Variants in STIM1 observed in about 807,000 individuals in gnomAD.
STIM1 encodes the protein stromal interaction molecule 1.
In STIM1, 25 loss-of-function variants were observed where a neutral mutation model predicts 74.7. That is an observed-to-expected ratio of 0.33 (90% CI 0.24 to 0.47). The LOEUF is 0.47. Ranked by LOEUF, STIM1 falls within the 20% of genes least tolerant of loss-of-function variation. The probability of loss-of-function intolerance (pLI) is 1.00; values close to 1 mark genes in which losing one functional copy is unlikely to be tolerated. For missense variants in STIM1, 728 were observed against 920.8 expected (o/e 0.79, Z 2.71); for synonymous variants, 328 against 348.8 (o/e 0.94, Z 0.66).
At chr11:3,945,685 T>A (rs2093063963) in intron 1 of STIM1, among the ~76,000 whole-genome samples, 1 of 152,214 alleles carries the variant, frequency 6.6e-6, no homozygotes. Flanking sequence ...AGGGACCATG[T>A]CTATTTTATT....
At chr11:3,897,405 G>C (rs1376892587) in intron 1 of STIM1, among the ~76,000 whole-genome samples, 2 of 152,164 alleles carry the variant, frequency 1.3e-5, no homozygotes, top group Non-Finnish European at 2.9e-5. Flanking sequence ...AGTAGTCCAG[G>C]TATTCTCTAC....
At chr11:3,866,617 G>A (rs949999060) in intron 1 of STIM1, among the ~76,000 whole-genome samples, 4 of 151,978 alleles carry the variant, frequency 2.6e-5, no homozygotes, top group Non-Finnish European at 5.9e-5. Flanking sequence ...AGTAGAGACG[G>A]GGTTTCACCA....
At chr11:4,083,856 T>C (rs1009719066) in intron 10 of STIM1, among the ~76,000 whole-genome samples, 1 of 152,240 alleles carries the variant, frequency 6.6e-6, no homozygotes, top group Non-Finnish European at 1.5e-5. Context: ...ATTGAACTTA[T>C]TTATTTTGAT....
At chr11:3,941,269 G>A (rs760168969) in intron 1 of STIM1, among the ~76,000 whole-genome samples, 1 of 152,160 alleles carries the variant, frequency 6.6e-6, no homozygotes, top group Non-Finnish European at 1.5e-5. Flanking sequence ...GAAGACTTCT[G>A]CTGTAGGTAA....
At chr11:4,075,955 A>C (rs1590692740) in intron 7 of STIM1, among the ~76,000 whole-genome samples, 1 of 151,982 alleles carries the variant, frequency 6.6e-6, no homozygotes, top group Non-Finnish European at 1.5e-5. Context: ...CCTTTTTATA[A>C]ATTTATTGGC....
At chr11:4,036,609 A>T (rs1182522351) in intron 3 of STIM1, among the ~76,000 whole-genome samples, 2 of 152,220 alleles carry the variant, frequency 1.3e-5, no homozygotes, top group African/African-American at 4.8e-5. Context: ...ATGATCAGTG[A>T]CGTTGAGCTT....
intron 2 of STIM1, among the ~76,000 whole-genome samples, chr11:4,013,427 C>G (rs760402790): frequency 2.8e-4 from 43 of 152,118 alleles, no homozygotes; most frequent in Non-Finnish European, 5.6e-4. Flanking sequence ...TTCAAAGATT[C>G]AACTTCTTCC....
At chr11:3,884,081 C>T (rs2091616711) in intron 1 of STIM1, among the ~76,000 whole-genome samples, 2 of 151,894 alleles carry the variant, frequency 1.3e-5, no homozygotes, top group African/African-American at 4.8e-5. Context: ...GATGGGGGTG[C>T]TATTTTAGGT....
chr11:3,921,640 A>T (rs2092719296), intron 1 of STIM1, among the ~76,000 whole-genome samples: 1 of 152,108 alleles, frequency 6.6e-6, no homozygotes, highest in Non-Finnish European at 1.5e-5. Flanking sequence ...TACTCTTTCC[A>T]TCAAGGGGTG....
intron 1 of STIM1, among the ~76,000 whole-genome samples, chr11:3,926,782 C>T (rs1046978537): frequency 3.9e-5 from 6 of 152,188 alleles, no homozygotes; most frequent in African/African-American, 7.2e-5. Flanking sequence ...GGATAGAGGA[C>T]TATGTCTTCC....
intron 10 of STIM1, 76 bp downstream of exon 10, chr11:4,083,574 C>A: frequency 7.2e-7 from 1 of 1,397,266 alleles, no homozygotes; most frequent in Non-Finnish European, 9.9e-7. Flanking sequence ...CTCTGTTGTG[C>A]TTAAACAGCA....
At chr11:4,051,118 A>G (rs1273274354) in intron 3 of STIM1, among the ~76,000 whole-genome samples, 1 of 152,178 alleles carries the variant, frequency 6.6e-6, no homozygotes, top group African/African-American at 2.4e-5. Flanking sequence ...TATAAAATTC[A>G]TGTATAAATG....
intron 4 of STIM1, among the ~76,000 whole-genome samples, chr11:4,056,270 C>T (rs1009849340): frequency 2.6e-5 from 4 of 152,210 alleles, no homozygotes; most frequent in Non-Finnish European, 5.9e-5. Context: ...TGTTTCATAA[C>T]TCTTTGCCTA....
chr11:4,092,820 G>A lies in STIM1; in HGVS notation c.*1022G>A, dbSNP rs2094531839. The A allele has an allele frequency of 6.6e-6, 1 of 152,212 alleles. No individual in the cohort carries two copies. The highest frequency in any genetic ancestry group is 1.5e-5 in the Non-Finnish European group (1 of 68,034). The allele number at this position is 152,212 out of a possible 1,614,324, so 9.4% of individuals were successfully genotyped here. On this transcript the variant is annotated 3_prime_UTR_variant, in exon 13 of 13. Transcript: ENST00000526596. ...AGTGCCTACGCTGCATATTCCCCTT[G>A]TTAGATCCCATTTTCATGTTACTTT...
At chr11:3,993,765 G>C (rs1039234934) in intron 2 of STIM1, among the ~76,000 whole-genome samples, 1 of 152,126 alleles carries the variant, frequency 6.6e-6, no homozygotes, top group East Asian at 1.9e-4. Flanking sequence ...AATGAAATCT[G>C]CACCTCTACT....
At chr11:3,943,880 A>G (rs1439044248) in intron 1 of STIM1, among the ~76,000 whole-genome samples, 1 of 152,250 alleles carries the variant, frequency 6.6e-6, no homozygotes, top group African/African-American at 2.4e-5. Context: ...ACAAATTATC[A>G]CGTATATACA....
chr11:3,863,556 G>A (rs1186607151), intron 1 of STIM1, among the ~76,000 whole-genome samples: 2 of 152,136 alleles, frequency 1.3e-5, no homozygotes, highest in Non-Finnish European at 2.9e-5. Flanking sequence ...CTGTGCCCCA[G>A]CCAAATCTGA....
chr11:3,969,888 C>T (rs1288951426), intron 2 of STIM1, among the ~76,000 whole-genome samples: 1 of 152,154 alleles, frequency 6.6e-6, no homozygotes, highest in Non-Finnish European at 1.5e-5. Flanking sequence ...TGTCACTGAC[C>T]TGTAAAGGAT....
intron 1 of STIM1, among the ~76,000 whole-genome samples, chr11:3,964,888 C>G (rs931423320): frequency 6.6e-6 from 1 of 152,008 alleles, no homozygotes; most frequent in African/African-American, 2.4e-5. Flanking sequence ...TCATGCCTGG[C>G]TAATTTTTTA....
Sources: allele counts gnomAD v4.1 joint callset (sites outside exome capture counted in the v4.1 genomes callset), GRCh38; gene constraint gnomAD v4.1.1; transcripts MANE v1.5; gene names NCBI Gene and HGNC (gene_info 2026-07-23, HGNC 2026-07-21).